The following IGBP1 variants were observed in gnomAD, a reference collection of about 807,000 sequenced individuals.
IGBP1 encodes immunoglobulin binding protein 1.
Under a neutral mutation model 25.9 loss-of-function variants are expected in IGBP1, and 2 were observed. The observed-to-expected ratio is 0.08, with a 90% CI of 0.03 to 0.24. IGBP1 has a LOEUF of 0.24. Ranked by LOEUF, IGBP1 falls within the 10% of genes least tolerant of loss-of-function variation. The probability of loss-of-function intolerance (pLI) is 1.00; values close to 1 mark genes in which losing one functional copy is unlikely to be tolerated. For synonymous variants in IGBP1, 96 were observed against 93.4 expected (o/e 1.03, Z -0.16); for missense variants, 187 against 260.4 (o/e 0.72, Z 1.94).
chrX:70,156,391 A>G (rs1369522527), intron 6 of IGBP1, among the ~76,000 whole-genome samples: 6 of 110,597 alleles, frequency 5.4e-5, no homozygotes, highest in Non-Finnish European at 7.6e-5. Flanking sequence ...TGGAACATTC[A>G]CCAAGGTAGA....
intron 2 of IGBP1, 66 bp from the exon 3 acceptor site, chrX:70,134,457 C>A: frequency 2.7e-6 from 3 of 1,116,430 alleles, no homozygotes; most frequent in Non-Finnish European, 2.4e-6. Context: ...ACTCCGTCCC[C>A]CAGAAAGCAA....
Position 70,134,682 on chromosome X carries a change from C to T in IGBP1, c.348C>T (p.Cys116=), listed in dbSNP as rs1222761126. Residue 116 remains cysteine, a synonymous_variant, in exon 3 of 7, where the codon TGC becomes TGT. Coordinates refer to ENST00000356413, the MANE Select transcript of IGBP1 (RefSeq NM_001551.3). The part of the protein sequence containing the change: ...REHFINYLTQ[C]HCYHVAEFEL... The stretch of plus-strand genomic sequence containing the variant: ...ACTTTATAAACTACTTAACTCAGTG[C>T]CATTGCTATCATGTGGCAGAGTTTG... The T allele has an allele frequency of 8.3e-7, 1 of 1,210,249 alleles. No homozygotes were observed. Among genetic ancestry groups the T allele is most frequent in the Non-Finnish European group, 1.1e-6 (1 of 895,014 alleles).
chrX:70,151,739 G>T (rs1191218742), intron 6 of IGBP1, among the ~76,000 whole-genome samples: 7 of 109,936 alleles, frequency 6.4e-5, no homozygotes, highest in Non-Finnish European at 1.1e-4. Flanking sequence ...CCAGCCGAGC[G>T]TAGTGGTATG....
chrX:70,161,337 C>T (rs1443443336), intron 6 of IGBP1, among the ~76,000 whole-genome samples: 1 of 111,679 alleles, frequency 9.0e-6, no homozygotes, highest in Admixed American at 9.6e-5. Flanking sequence ...AATTCGGTTT[C>T]ACAGAGGATA....
chrX:70,133,939 C>CT lies in IGBP1; in HGVS notation c.-8dup. 8.3e-7 allele frequency: 1 copy of CT among 1,209,161 alleles called. No individual in the cohort carries two copies. The highest frequency in any genetic ancestry group is 1.7e-5 in the African/African-American group (1 of 57,780). ...GAAAAGAGATCTTCCGGGTTCCTCT[C>CT]TCCCCAAGATGGCTGCTGAGGACGA... On this transcript the variant is annotated 5_prime_UTR_variant, in exon 2 of 7. Coordinates refer to ENST00000356413, the MANE Select transcript of IGBP1 (RefSeq NM_001551.3).
rs185166579 is a variant in IGBP1 at position 70,154,655 on chromosome X, G to A, written c.871+4333G>A. Among the ~76,000 whole-genome samples, 9 of 89,904 alleles carry A rather than the reference G, an allele frequency of 1.0e-4. No homozygotes were observed. In the Admixed American group the frequency reaches 1.3e-3, roughly 13 times the overall value. 78.1% of individuals were successfully genotyped at this position (89,904 alleles called of 115,157 possible). A position where few individuals can be genotyped will look rare whatever the true frequency, so the allele number is the denominator to read the frequency against. On this transcript the variant is annotated intron_variant, in intron 6 of 6. Transcript: ENST00000356413. ...ATACTTTGGGAGGCCAAAGTGGGAG[G>A]ATCCCTTGAGCCGAGGAGTTCAAGA...
chrX:70,155,930 G>T (rs138029303), intron 6 of IGBP1, among the ~76,000 whole-genome samples: 1,346 of 111,964 alleles, frequency 0.012, 16 homozygotes, highest in African/African-American at 0.042. Context: ...TTATTTACTT[G>T]AATACTTACA....
chrX:70,134,490 T>G (rs1183744831), intron 2 of IGBP1, 33 bp from the exon 3 acceptor site: 1 of 1,198,313 alleles, frequency 8.3e-7, no homozygotes. Context: ...GAATGCCTAG[T>G]CAGGCTTCAC....
Position 70,134,092 on chromosome X carries a change from CT to C in IGBP1, c.147del (p.Glu50ArgfsTer27). On this transcript the variant is annotated frameshift_variant, in exon 2 of 7. Coordinates refer to ENST00000356413, the MANE Select transcript of IGBP1 (RefSeq NM_001551.3). LOFTEE classifies it high-confidence loss of function. ...QEKVFKGLDL[L>X]EKAAEMLSQL... Reference sequence around the variant, plus strand: ...GAAGGTGTTCAAGGGCTTGGACCTCCTTGAGAAGGCTGCCGAAATGTTATCG... The same window carrying C: ...GAAGGTGTTCAAGGGCTTGGACCTCCTGAGAAGGCTGCCGAAATGTTATCG... 8.3e-7 allele frequency: 1 copy of C among 1,211,902 alleles called. No individual in the cohort carries two copies.
chrX:70,148,215 C>G (rs182357406), intron 4 of IGBP1, among the ~76,000 whole-genome samples: 1 of 112,121 alleles, frequency 8.9e-6, no homozygotes, highest in African/African-American at 3.2e-5. Flanking sequence ...CAGCATGCCC[C>G]TAGAAAGCCA....
chrX:70,139,593 G>A (rs1216041945), intron 3 of IGBP1, among the ~76,000 whole-genome samples: 1 of 111,094 alleles, frequency 9.0e-6, no homozygotes, highest in Non-Finnish European at 1.9e-5. Flanking sequence ...ACCCCCAAAT[G>A]TGCCTCCTCA....
At position 70,133,927 on chromosome X, in the gene IGBP1, C is replaced by T. The variant is rs1470664223; in HGVS notation, c.-21C>T. ...CCTTTGACCCCGGAAAAGAGATCTT[C>T]CGGGTTCCTCTCTCCCCAAGATGGC... On this transcript the variant is annotated 5_prime_UTR_variant, in exon 2 of 7. Transcript: ENST00000356413. 8.3e-7 allele frequency: 1 copy of T among 1,202,812 alleles called. No individual in the cohort carries two copies. The highest frequency in any genetic ancestry group is 1.8e-5 in the African/African-American group (1 of 57,088).
chrX:70,146,538 C>T (rs1415176049), intron 3 of IGBP1, 95 bp from the exon 4 acceptor site: 3 of 695,720 alleles, frequency 4.3e-6, no homozygotes, highest in Non-Finnish European at 4.6e-6. Context: ...GCTTACTACC[C>T]TATCATTTGC....
At chrX:70,141,346 C>CAA (rs377628315) in intron 3 of IGBP1, among the ~76,000 whole-genome samples, 6 of 86,099 alleles carry the variant, frequency 7.0e-5, no homozygotes, top group Non-Finnish European at 1.4e-4. Context: ...GACCCTGTTG[C>CAA]AAAAAAAAAA....
chrX:70,133,933 T>C lies in IGBP1; in HGVS notation c.-15T>C. 2 of 1,207,358 alleles carry C rather than the reference T, an allele frequency of 1.7e-6. No homozygotes were observed. Among genetic ancestry groups the C allele is most frequent in the Non-Finnish European group, 2.2e-6 (2 of 891,967 alleles). On this transcript the variant is annotated 5_prime_UTR_variant, in exon 2 of 7. Coordinates refer to ENST00000356413, the MANE Select transcript of IGBP1 (RefSeq NM_001551.3). Reference sequence around the variant, plus strand: ...ACCCCGGAAAAGAGATCTTCCGGGTTCCTCTCTCCCCAAGATGGCTGCTGA... The same window carrying C: ...ACCCCGGAAAAGAGATCTTCCGGGTCCCTCTCTCCCCAAGATGGCTGCTGA...
intron 3 of IGBP1, among the ~76,000 whole-genome samples, chrX:70,140,366 G>A (rs1369513251): frequency 1.8e-5 from 2 of 112,205 alleles, no homozygotes; most frequent in Non-Finnish European, 3.8e-5. Context: ...TAATAGTCTG[G>A]TTTGGCAGAA....
At chrX:70,143,213 C>T (rs921138294) in intron 3 of IGBP1, among the ~76,000 whole-genome samples, 13 of 110,845 alleles carry the variant, frequency 1.2e-4, no homozygotes, top group East Asian at 1.1e-3. Context: ...TGAGCCACTG[C>T]GCCCGGCCGA....
At chrX:70,136,722 AT>A (rs2085097078) in intron 3 of IGBP1, among the ~76,000 whole-genome samples, 5 of 100,850 alleles carry the variant, frequency 5.0e-5, no homozygotes, top group African/African-American at 2.2e-4. Context: ...TATTATTATT[AT>A]TATTATACAG....
intron 3 of IGBP1, among the ~76,000 whole-genome samples, chrX:70,137,469 C>T (rs1479188821): frequency 9.0e-6 from 1 of 110,866 alleles, no homozygotes; most frequent in Non-Finnish European, 1.9e-5. Flanking sequence ...TTAATTGCTT[C>T]CTGTGGGGCT....
Sources: allele counts gnomAD v4.1 joint callset (sites outside exome capture counted in the v4.1 genomes callset), GRCh38; gene constraint gnomAD v4.1.1; transcripts MANE v1.5; gene names NCBI Gene and HGNC (gene_info 2026-07-23, HGNC 2026-07-21).